FLNB: variants seen among roughly 807,000 people sequenced by gnomAD.
FLNB encodes filamin B.
A neutral mutation model predicts 250.6 loss-of-function variants in FLNB; 111 were observed. The ratio of observed to expected loss-of-function variants is 0.44; its 90% CI spans 0.38 to 0.52. The LOEUF is 0.52. Among genes scored for constraint, FLNB ranks in the 20% least tolerant of loss-of-function variants. The probability of loss-of-function intolerance (pLI) is 0.00; values close to 1 mark genes in which losing one functional copy is unlikely to be tolerated. For synonymous variants in FLNB, 1,302 were observed against 1,372.1 expected, an observed-to-expected ratio of 0.95 and a Z score of 1.13; for missense variants, 2,869 against 3,447.8, an observed-to-expected ratio of 0.83 and a Z score of 4.20.
chr3:58,039,323 A>G (rs1304469881), intron 1 of FLNB, among the ~76,000 whole-genome samples: 1 of 152,030 alleles, frequency 6.6e-6, no homozygotes, highest in Non-Finnish European at 1.5e-5. Context: ...AAAAAAAAAA[A>G]AAGGTGTAGA....
At chr3:58,038,728 G>A (rs998644901) in intron 1 of FLNB, among the ~76,000 whole-genome samples, 7 of 152,010 alleles carry the variant, frequency 4.6e-5, no homozygotes, top group African/African-American at 9.6e-5. Flanking sequence ...GTGCCTGGCC[G>A]GATTTTAAAG....
At chr3:58,068,928 T>G (rs955420248) in intron 1 of FLNB, among the ~76,000 whole-genome samples, 1 of 151,980 alleles carries the variant, frequency 6.6e-6, no homozygotes, top group Non-Finnish European at 1.5e-5. Context: ...ACTGGGATGT[T>G]AAGGAGGGGC....
chr3:58,095,554 C>T (rs567876258), intron 5 of FLNB, among the ~76,000 whole-genome samples: 47 of 152,314 alleles, frequency 3.1e-4, no homozygotes, highest in African/African-American at 9.9e-4. Context: ...CCGTGCCCAG[C>T]CTCAGTTGAG....
chr3:58,143,445 C>A (rs1248720676), intron 31 of FLNB, 28 bp from the exon 32 acceptor site: 3 of 1,613,798 alleles, frequency 1.9e-6, no homozygotes, highest in African/African-American at 2.7e-5. Context: ...TGGTGGGCTT[C>A]ATTGCCCCGT....
chr3:58,150,202 T>C lies in FLNB; in HGVS notation c.6342T>C (p.Ile2114=). 1 of 1,614,178 alleles carries C rather than the reference T, an allele frequency of 6.2e-7. No homozygotes were observed. The highest frequency in any genetic ancestry group is 8.5e-7 in the Non-Finnish European group (1 of 1,180,030). ...CGTCCGTGGCCACTGTCGGGAGCAT[T>C]TGTGACCTGAACCTGAAAATCCCAG... ...RAPSVATVGS[I]CDLNLKIPEI... The change falls in exon 38 of 46, where the codon ATT becomes ATC. Residue 2114 remains isoleucine, a synonymous_variant. Coordinates refer to ENST00000295956, the MANE Select transcript of FLNB (RefSeq NM_001457.4).
intron 4 of FLNB, among the ~76,000 whole-genome samples, chr3:58,082,220 G>T (rs566171311): frequency 9.8e-5 from 15 of 152,300 alleles, no homozygotes; most frequent in Non-Finnish European, 1.5e-4. Flanking sequence ...ATACTTCCTT[G>T]CTAAGACATC....
Position 58,008,483 on chromosome 3 carries a change from G to T in FLNB, c.-82G>T, listed in dbSNP as rs1350335408. On this transcript the variant is annotated 5_prime_UTR_variant, in exon 1 of 46. Transcript: ENST00000295956. Reference sequence around the variant, plus strand: ...TCGAACCCCGCTCCCGCTCCGCTTCGGTTCTCGCTCCTTCGGCCCTTGGGC... The same window carrying T: ...TCGAACCCCGCTCCCGCTCCGCTTCTGTTCTCGCTCCTTCGGCCCTTGGGC... The T allele has an allele frequency of 4.7e-6, 7 of 1,484,474 alleles. No individual in the cohort carries two copies. The highest frequency in any genetic ancestry group is 1.4e-5 in the African/African-American group (1 of 71,668). 92.0% of individuals were successfully genotyped at this position (1,484,474 alleles called of 1,614,324 possible). A position where few individuals can be genotyped will look rare whatever the true frequency, so the allele number is the denominator to read the frequency against.
At chr3:58,100,373 A>AAAATATATATATATATATATAT in intron 8 of FLNB, among the ~76,000 whole-genome samples, 2,251 of 104,306 alleles carry the variant, frequency 0.022, 171 homozygotes, top group African/African-American at 0.09. Context: ...GTAAAAAAAA[A>AAAATATATATATATATATATAT]ATATATATAT....
In FLNB at chr3:58,109,234, A is replaced by G. The variant is rs1360789764; in HGVS notation, c.2111A>G (p.Tyr704Cys). ...IQMKNRMDGTYACSYTPVKAI... is the reference protein window; with the variant it reads ...IQMKNRMDGTCACSYTPVKAI... ...ATGAAGAACCGGATGGACGGCACAT[A>G]TGCATGCTCATACACCCCGGTGAAG... Residue 704 changes from tyrosine to cysteine, a missense_variant, in exon 14 of 46, where the codon TAT becomes TGT. By Grantham distance (194) the Tyr-to-Cys change is radical. This residue lies in a region of FLNB where 1,348 missense variants were observed against 1,466.7 expected (regional missense o/e 0.92). Transcript: ENST00000295956. 7 of 1,614,122 alleles carry G rather than the reference A, an allele frequency of 4.3e-6. No homozygotes were observed. The highest frequency in any genetic ancestry group is 5.9e-6 in the Non-Finnish European group (7 of 1,180,050).
chr3:58,100,155 A>C (rs2097247255), intron 8 of FLNB, among the ~76,000 whole-genome samples: 1 of 151,920 alleles, frequency 6.6e-6, no homozygotes, highest in Non-Finnish European at 1.5e-5. Context: ...AAAAAATTCT[A>C]ACATATTCCT....
chr3:58,054,569 G>A (rs1236942732), intron 1 of FLNB, among the ~76,000 whole-genome samples: 4 of 152,132 alleles, frequency 2.6e-5, no homozygotes, highest in Admixed American at 1.3e-4. Flanking sequence ...CATGGAGGCC[G>A]CAGCAAGGAG....
Position 58,090,004 on chromosome 3 carries a change from C to T in FLNB, c.788-4832C>T, listed in dbSNP as rs527394853. ...GTTTCACCCTGTTGGCCTGGCTGGTCTTGAACTCCTGACCTTAGGTGATCC... is the reference window on the plus strand; with the variant it reads ...GTTTCACCCTGTTGGCCTGGCTGGTTTTGAACTCCTGACCTTAGGTGATCC... On this transcript the variant is annotated intron_variant, in intron 4 of 45. Coordinates refer to ENST00000295956, the MANE Select transcript of FLNB (RefSeq NM_001457.4). Among the ~76,000 whole-genome samples the T allele has an allele frequency of 1.1e-4, 17 of 152,234 alleles. No homozygotes were observed. The South Asian group carries it at 3.1e-3, about 28-fold the overall frequency.
At chr3:58,132,953 A>C (rs1252585357) in intron 26 of FLNB, 22 bp downstream of exon 26, 1 of 1,605,022 alleles carries the variant, frequency 6.2e-7, no homozygotes, top group Non-Finnish European at 8.5e-7. Context: ...CCATCTGCCC[A>C]TCCATTCCTC....
intron 1 of FLNB, among the ~76,000 whole-genome samples, chr3:58,020,048 G>GGTGTGT (rs373280518): frequency 0.077 from 10,537 of 136,786 alleles, 442 homozygotes; most frequent in Non-Finnish European, 0.093. Context: ...ACACCACAGG[G>GGTGTGT]GTGTGTGTGT....
chr3:58,109,647 G>A lies in FLNB; in HGVS notation c.2271G>A (p.Leu757=), dbSNP rs1406911027. ...GGCCAGGTGTGGAGAGAAGTGGTCT[G>A]AAGGCAAATGAACCTACACACTTCA... is the stretch of plus-strand genomic sequence containing the variant. ...VFGPGVERSG[L]KANEPTHFTV... is the part of the protein sequence containing the mutation. The change falls in exon 15 of 46, where the codon CTG becomes CTA. Residue 757 remains leucine (L), a synonymous_variant. Coordinates refer to ENST00000295956, the MANE Select transcript of FLNB (RefSeq NM_001457.4). The A allele has an allele frequency of 1.9e-6, 3 of 1,614,192 alleles. No homozygotes were observed. The East Asian group carries it at 6.7e-5, about 36-fold the overall frequency.
intron 36 of FLNB, chr3:58,149,371 A>C (rs2097341120): frequency 4.0e-6 from 1 of 250,516 alleles, no homozygotes; most frequent in Non-Finnish European, 7.8e-6. Context: ...TTCTAGACAA[A>C]TTCTAACCCG....
intron 1 of FLNB, among the ~76,000 whole-genome samples, chr3:58,075,673 G>C (rs917830310): frequency 3.3e-5 from 5 of 152,134 alleles, no homozygotes; most frequent in African/African-American, 1.2e-4. Flanking sequence ...CGGCTTCAAG[G>C]CTATCAAAGA....
chr3:58,146,106 G>A (rs1303116737), intron 33 of FLNB, 57 bp downstream of exon 33: 19 of 1,601,262 alleles, frequency 1.2e-5, no homozygotes, highest in Non-Finnish European at 1.6e-5. Context: ...AGGGTGAAGT[G>A]GACACGGTTC....
Position 58,098,889 on chromosome 3 carries a change from C to G in FLNB, c.1326C>G (p.Phe442Leu). 1 of 1,613,964 alleles carries G rather than the reference C, an allele frequency of 6.2e-7. No homozygotes were observed. The highest frequency in any genetic ancestry group is 8.5e-7 in the Non-Finnish European group (1 of 1,179,942). ...GGGACACTATTCCTAAGAGTCCCTT[C>G]GTTGTGCAGGTTGGGGAAGGTGAGT... ...FAGDTIPKSP[F>L]VVQVGEACNP... Residue 442 changes from phenylalanine to leucine, a missense_variant, in exon 8 of 46, where the codon TTC becomes TTG. Around this residue, in one of 5 missense-constraint regions of FLNB, gnomAD observed 1,348 missense variants for 1,466.7 expected, o/e 0.92. Transcript: ENST00000295956.
Sources: gnomAD v4.1 joint callset for allele counts (sites outside exome capture counted in the v4.1 genomes callset) on GRCh38, gnomAD v4.1.1 for gene constraint, gnomAD v4.1.1 regional missense constraint, MANE v1.5 for transcripts, NCBI Gene and HGNC (gene_info 2026-07-23, HGNC 2026-07-21) for gene names.